SYNRG: variants seen among roughly 807,000 people sequenced by gnomAD.
SYNRG encodes the protein synergin gamma.
Under a neutral mutation model 130.9 loss-of-function variants are expected in SYNRG, and 37 were observed. The ratio of observed to expected loss-of-function variants is 0.28; its 90% CI spans 0.22 to 0.37. SYNRG has a LOEUF of 0.37. Among genes scored for constraint, SYNRG ranks in the 10% least tolerant of loss-of-function variants. The probability of loss-of-function intolerance (pLI) is 1.00; values close to 1 mark genes in which losing one functional copy is unlikely to be tolerated. For synonymous variants in SYNRG, 539 were observed against 568.1 expected (o/e 0.95, Z 0.73); for missense variants, 1,338 against 1,588.9 (o/e 0.84, Z 2.68).
intron 4 of SYNRG, 84 bp from the exon 5 acceptor site, chr17:37,585,514 A>T: frequency 1.1e-6 from 1 of 937,244 alleles, no homozygotes; most frequent in Admixed American, 2.3e-5. Context: ...AGTTTCAGCA[A>T]TATCATGTTG....
In SYNRG at chr17:37,580,516, A is replaced by T. The variant is rs57545739; in HGVS notation, c.590-2903T>A. Among the ~76,000 whole-genome samples the T allele has an allele frequency of 6.0e-3, 624 of 104,780 alleles. 9 individuals carry two copies. The highest frequency in any genetic ancestry group is 0.024 in the African/African-American group (500 of 21,106). The allele number at this position is 104,780 out of a possible 152,430, so 68.7% of individuals were successfully genotyped here. On this transcript the variant is annotated intron_variant, in intron 6 of 21. Transcript: ENST00000612223. ...GTGTGTGTGTGTGTGTGTGTGAGAG[A>T]GAGAGAGAGAGAGAGAGAGACGGAG...
At chr17:37,592,950 T>C (rs1210224844) in intron 3 of SYNRG, among the ~76,000 whole-genome samples, 1 of 152,208 alleles carries the variant, frequency 6.6e-6, no homozygotes, top group Non-Finnish European at 1.5e-5. Context: ...CACAACAGTT[T>C]GCAACAGGTT....
chr17:37,529,159 A>G (rs1568273893), intron 19 of SYNRG, among the ~76,000 whole-genome samples: 1 of 152,202 alleles, frequency 6.6e-6, no homozygotes, highest in Non-Finnish European at 1.5e-5. Context: ...GAAGGGCATA[A>G]ATGCCCAGCC....
intron 1 of SYNRG, among the ~76,000 whole-genome samples, chr17:37,602,919 T>C (rs2063417568): frequency 6.6e-6 from 1 of 151,912 alleles, no homozygotes; most frequent in Non-Finnish European, 1.5e-5. Context: ...AGCTATCCAG[T>C]AGGCTGAGAC....
intron 21 of SYNRG, 82 bp downstream of exon 21, chr17:37,520,097 G>T: frequency 6.9e-7 from 1 of 1,444,338 alleles, no homozygotes; most frequent in African/African-American, 1.4e-5. Flanking sequence ...GTTCAGGATG[G>T]CAATGGATAG....
intron 8 of SYNRG, 29 bp downstream of exon 8, chr17:37,576,312 G>A (rs780462460): frequency 8.1e-6 from 13 of 1,599,278 alleles, no homozygotes; most frequent in Non-Finnish European, 9.4e-6. Flanking sequence ...ATATCCAGAT[G>A]GGAATCCTGG....
rs1371130418 is a variant in SYNRG, at chr17:37,609,296, C to T, written c.60G>A (p.Gly20=). ...GGGGAAGAGA[G]SAGGGGFMFP... is the part of the protein sequence containing the mutation. ...ACACCTACCCGCCTCCCCCGGCGGA[C>T]CCCGCGCCAGCTCCCGCGGCCCCGC... The change falls in exon 1 of 22, where the codon GGG becomes GGA. Residue 20 remains glycine, a synonymous_variant. Coordinates refer to ENST00000612223, the MANE Select transcript of SYNRG (RefSeq NM_007247.6). 8 of 1,459,672 alleles carry T rather than the reference C, an allele frequency of 5.5e-6. 1 individual carries two copies. The highest frequency in any genetic ancestry group is 7.2e-6 in the Non-Finnish European group (8 of 1,111,528). The allele number at this position is 1,459,672 out of a possible 1,614,324, so 90.4% of individuals were successfully genotyped here. A position where few individuals can be genotyped will look rare whatever the true frequency, so the allele number is the denominator to read the frequency against.
intron 2 of SYNRG, among the ~76,000 whole-genome samples, chr17:37,599,901 TCAA>T (rs567551311): frequency 3.9e-5 from 6 of 152,220 alleles, no homozygotes; most frequent in Non-Finnish European, 8.8e-5. Context: ...GTTTATTCAT[TCAA>T]CAAACATCTA....
At chr17:37,525,521 G>T (rs1017372346) in intron 19 of SYNRG, among the ~76,000 whole-genome samples, 24 of 152,210 alleles carry the variant, frequency 1.6e-4, no homozygotes, top group African/African-American at 5.5e-4. Context: ...ACTTGCCACA[G>T]TCAATAACTA....
intron 3 of SYNRG, among the ~76,000 whole-genome samples, chr17:37,590,443 G>A (rs1417473840): frequency 6.6e-6 from 1 of 152,012 alleles, no homozygotes; most frequent in East Asian, 1.9e-4. Flanking sequence ...AACATTAGAA[G>A]CAATTTAAAT....
rs2054550222 is a variant in SYNRG, at chr17:37,517,918, A to C, written c.*1022T>G. The C allele has an allele frequency of 6.6e-6, 1 of 152,238 alleles. No individual in the cohort carries two copies. Among genetic ancestry groups the C allele is most frequent in the Non-Finnish European group, 1.5e-5 (1 of 68,040 alleles). The allele number at this position is 152,238 out of a possible 1,614,324, so 9.4% of individuals were successfully genotyped here. On this transcript the variant is annotated 3_prime_UTR_variant, in exon 22 of 22. Transcript: ENST00000612223. ...CATGAGCCTTTTCTATCTAAAATTC[A>C]GTACTGTTTCTGGACAATTTTCTTC...
At chr17:37,605,611 T>C (rs964169015) in intron 1 of SYNRG, among the ~76,000 whole-genome samples, 1 of 152,238 alleles carries the variant, frequency 6.6e-6, no homozygotes, top group South Asian at 2.1e-4. Flanking sequence ...TAGTGACCTA[T>C]GAAAAATTCA....
At chr17:37,576,440 T>G in intron 7 of SYNRG, 22 bp from the exon 8 acceptor site, 1 of 1,608,590 alleles carries the variant, frequency 6.2e-7, no homozygotes, top group Non-Finnish European at 8.5e-7. Flanking sequence ...GAAACATTAA[T>G]GTATATAGTG....
chr17:37,592,018 A>T (rs180910996), intron 3 of SYNRG, among the ~76,000 whole-genome samples: 238 of 152,308 alleles, frequency 1.6e-3, no homozygotes, highest in African/African-American at 5.6e-3. Flanking sequence ...AAGACAAGCT[A>T]AAGACAAGAA....
At chr17:37,557,885 T>A (rs188126492) in intron 13 of SYNRG, among the ~76,000 whole-genome samples, 115 of 152,176 alleles carry the variant, frequency 7.6e-4, no homozygotes, top group African/African-American at 2.7e-3. Flanking sequence ...AGGACTAAGG[T>A]ACTGCTTACA....
chr17:37,547,463 C>A (rs943037677), intron 14 of SYNRG, among the ~76,000 whole-genome samples: 1 of 139,034 alleles, frequency 7.2e-6, no homozygotes, highest in African/African-American at 2.6e-5. Context: ...TCATTTGCTG[C>A]TTTTTTTTTT....
chr17:37,556,492 A>T (rs913926254), intron 13 of SYNRG, among the ~76,000 whole-genome samples: 2 of 151,422 alleles, frequency 1.3e-5, no homozygotes, highest in African/African-American at 2.4e-5. Context: ...AAATAAATTT[A>T]AAAAATAAAA....
intron 12 of SYNRG, 72 bp downstream of exon 12, chr17:37,561,399 C>T (rs975508443): frequency 4.8e-6 from 7 of 1,470,568 alleles, no homozygotes; most frequent in Non-Finnish European, 6.7e-6. Flanking sequence ...AAGACCACCA[C>T]TTAAAGATTC....
At position 37,576,837 on chromosome 17, in the gene SYNRG, ATAC is replaced by A. The variant is rs2060874346; in HGVS notation, c.824-422_824-420del. ...TTCATTGTTTTTTAACCTACATATG[ATAC>A]TGCTGTCTTAAATATATAGGACTTT... On this transcript the variant is annotated intron_variant, in intron 7 of 21. Coordinates refer to ENST00000612223, the MANE Select transcript of SYNRG (RefSeq NM_007247.6). Among the ~76,000 whole-genome samples the A allele has an allele frequency of 1.8e-4, 28 of 152,322 alleles. No homozygotes were observed. In the South Asian group the frequency reaches 5.8e-3, roughly 32 times the overall value.
Sources: gnomAD v4.1 joint callset for allele counts (sites outside exome capture counted in the v4.1 genomes callset) on GRCh38, gnomAD v4.1.1 for gene constraint, MANE v1.5 for transcripts, NCBI Gene and HGNC (gene_info 2026-07-23, HGNC 2026-07-21) for gene names.